FSIP2: variants seen among roughly 807,000 people sequenced by gnomAD.
The protein encoded by FSIP2 is fibrous sheath-interacting protein 2.
FSIP2 carries 367 observed loss-of-function variants against 510.5 expected under a neutral mutation model. The ratio of observed to expected loss-of-function variants is 0.72; its 90% CI spans 0.66 to 0.78. The LOEUF is 0.78. FSIP2 is among the 30% of genes least tolerant of loss of function. FSIP2 has a pLI of 0.00. For missense variants in FSIP2, 7,594 were observed against 7,901.7 expected (o/e 0.96, Z 1.48); for synonymous variants, 2,601 against 2,732.2 (o/e 0.95, Z 1.50).
chr2:185,747,632 CT>C (rs1692060024), intron 7 of FSIP2, among the ~76,000 whole-genome samples: 2 of 151,970 alleles, frequency 1.3e-5, no homozygotes, highest in South Asian at 4.1e-4. Flanking sequence ...CTATTTTTGG[CT>C]TTATTTTTAC....
chr2:185,794,396 A>T lies in FSIP2; in HGVS notation c.7260A>T (p.Ser2420=). ...CFNSKENSNF[S]QLALSNEILL... ...ATTCAAAAGAAAATTCTAACTTTTC[A>T]CAATTAGCTTTATCAAATGAAATAT... Residue 2420 remains serine (S), a synonymous_variant, in exon 16 of 23, where the codon TCA becomes TCT. Coordinates refer to ENST00000424728, the MANE Select transcript of FSIP2 (RefSeq NM_173651.4). 3.3e-6 allele frequency: 5 copies of T among 1,518,318 alleles called. No homozygotes were observed. Among genetic ancestry groups the T allele is most frequent in the Non-Finnish European group, 4.4e-6 (5 of 1,140,168 alleles). 94.1% of individuals were successfully genotyped at this position (1,518,318 alleles called of 1,614,324 possible).
chr2:185,737,762 G>A (rs977638957), upstream of FSIP2, among the ~76,000 whole-genome samples: 1 of 152,036 alleles, frequency 6.6e-6, no homozygotes, highest in Admixed American at 6.6e-5. Context: ...ATATCCATAT[G>A]GAAGCTGGCA....
chr2:185,743,349 T>A, intron 3 of FSIP2, 55 bp downstream of exon 3: 1 of 1,250,258 alleles, frequency 8.0e-7, no homozygotes, highest in Non-Finnish European at 1.1e-6. Context: ...AAACTTGATA[T>A]AAACTTGTTT....
chr2:185,772,824 CTCT>C (rs1419927636), intron 13 of FSIP2, among the ~76,000 whole-genome samples: 1 of 151,378 alleles, frequency 6.6e-6, no homozygotes, highest in Non-Finnish European at 1.5e-5. Flanking sequence ...CCCTCCTCTC[CTCT>C]TCTCTTTTTC....
In FSIP2 at chr2:185,791,402, C is replaced by G. The variant is rs1371458764; in HGVS notation, c.4266C>G (p.Asn1422Lys). The G allele has an allele frequency of 1.2e-5, 19 of 1,534,014 alleles. No individual in the cohort carries two copies. The highest frequency in any genetic ancestry group is 1.7e-4 in the Middle Eastern group (1 of 5,994). Reference sequence around the variant, plus strand: ...CTCACCACAGTGTCAATGGTGGAAACCATATTAAAGAGAATGCAAAATTGC... The same window carrying G: ...CTCACCACAGTGTCAATGGTGGAAAGCATATTAAAGAGAATGCAAAATTGC... Reference protein sequence around the residue: ...PCTHHSVNGGNHIKENAKLQV... With the variant: ...PCTHHSVNGGKHIKENAKLQV... The change falls in exon 16 of 23, where the codon AAC (asparagine) becomes AAG (lysine). Residue 1422 changes from asparagine to lysine, a missense_variant. Physicochemically the swap from Asn to Lys is moderately conservative, Grantham distance 94. Coordinates refer to ENST00000424728, the MANE Select transcript of FSIP2 (RefSeq NM_173651.4).
intron 16 of FSIP2, among the ~76,000 whole-genome samples, chr2:185,799,223 A>C (rs1693366627): frequency 6.6e-6 from 1 of 151,878 alleles, no homozygotes; most frequent in South Asian, 2.1e-4. Flanking sequence ...TGGAGTTGCC[A>C]CACTTTTATT....
Position 185,753,845 on chromosome 2 carries a change from G to T in FSIP2, c.991+3G>T. ...CAGAGGTCAAGATGGAACACATGGT[G>T]AATGTGAGAACATTAAAAGATGATG... On this transcript the variant is annotated splice_donor_region_variant and intron_variant, in intron 8 of 22. Transcript: ENST00000424728. 1 of 1,452,690 alleles carries T rather than the reference G, an allele frequency of 6.9e-7. No individual in the cohort carries two copies. The highest frequency in any genetic ancestry group is 1.4e-5 in the South Asian group (1 of 69,690). The allele number at this position is 1,452,690 out of a possible 1,614,324, so 90.0% of individuals were successfully genotyped here.
In FSIP2 at chr2:185,806,408, C is replaced by T. The variant is rs267599114; in HGVS notation, c.17102C>T (p.Ser5701Leu). 1.1e-5 allele frequency: 17 copies of T among 1,611,746 alleles called. No homozygotes were observed. Among genetic ancestry groups the T allele is most frequent in the South Asian group, 7.7e-5 (7 of 90,986 alleles). ...TCTTCTCCAGAACCAGCATATTATT[C>T]GAAACTCAGTTATGACCAAAGCCCC... ...LSSSPEPAYY[S>L]KLSYDQSPPG... The change falls in exon 17 of 23, where the codon TCG becomes TTG. Residue 5701 changes from serine (S) to leucine (L), a missense_variant. Ser to Leu is a moderately radical substitution (Grantham distance 145). Coordinates refer to ENST00000424728, the MANE Select transcript of FSIP2 (RefSeq NM_173651.4).
At chr2:185,826,888 T>C (rs972458060) in intron 20 of FSIP2, among the ~76,000 whole-genome samples, 18 of 151,908 alleles carry the variant, frequency 1.2e-4, no homozygotes, top group Middle Eastern at 3.4e-3. Flanking sequence ...TGAAATTCAA[T>C]GGAAAGATCA....
chr2:185,831,225 T>C (rs1471432220), intron 21 of FSIP2, among the ~76,000 whole-genome samples: 1 of 151,862 alleles, frequency 6.6e-6, no homozygotes, highest in Non-Finnish European at 1.5e-5. Context: ...AGCTTCAGAA[T>C]AGCTGAAGCC....
chr2:185,802,154 C>A lies in FSIP2; in HGVS notation c.12848C>A (p.Thr4283Lys), dbSNP rs2105641003. The change falls in exon 17 of 23, where the codon ACA becomes AAA. Residue 4283 changes from threonine to lysine, a missense_variant. Coordinates refer to ENST00000424728, the MANE Select transcript of FSIP2 (RefSeq NM_173651.4). ...TPLDPVSTIV[T>K]QVLSEVIESH... The stretch of plus-strand genomic sequence containing the variant: ...CTGGATCCAGTGTCTACTATTGTTA[C>A]ACAGGTTCTGAGTGAAGTGATAGAG... 1 of 1,533,212 alleles carries A rather than the reference C, an allele frequency of 6.5e-7. No individual in the cohort carries two copies. The highest frequency in any genetic ancestry group is 8.7e-7 in the Non-Finnish European group (1 of 1,145,004). 95.0% of individuals were successfully genotyped at this position (1,533,212 alleles called of 1,614,324 possible). A position where few individuals can be genotyped will look rare whatever the true frequency, so the allele number is the denominator to read the frequency against.
Position 185,813,714 on chromosome 2 carries a change from A to C in FSIP2, c.19997A>C (p.Asp6666Ala). The change falls in exon 18 of 23, where the codon GAT (aspartate) becomes GCT (alanine). Residue 6666 changes from aspartate (D) to alanine (A), a missense_variant. By Grantham distance (126) the Asp-to-Ala change is moderately radical (BLOSUM62 -2). Transcript: ENST00000424728. ...YIKEERDSDE[D>A]EVVLTQTFAK... ...AAAGAGGAACGAGATTCTGATGAAG[A>C]TGAAGTTGTTTTAACACAGACTTTT... 1 of 1,610,806 alleles carries C rather than the reference A, an allele frequency of 6.2e-7. No individual in the cohort carries two copies. The highest frequency in any genetic ancestry group is 1.1e-5 in the South Asian group (1 of 90,648).
chr2:185,797,406 G>GTTT lies in FSIP2; in HGVS notation c.10271_10272insTTT (p.Val3424_Lys3425insLeu). 1 of 1,532,586 alleles carries GTTT rather than the reference G, an allele frequency of 6.5e-7. No homozygotes were observed. Among genetic ancestry groups the GTTT allele is most frequent in the Non-Finnish European group, 8.7e-7 (1 of 1,145,630 alleles). The allele number at this position is 1,532,586 out of a possible 1,614,324, so 94.9% of individuals were successfully genotyped here. A position where few individuals can be genotyped will look rare whatever the true frequency, so the allele number is the denominator to read the frequency against. On this transcript the variant is annotated inframe_insertion, in exon 16 of 23. Transcript: ENST00000424728. ...AAAGGAGTACCCAAAGATAGAGACT[G>GTTT]TGAAGGAAGTTGAAGCCTTTACTTT...
chr2:185,801,953 C>T lies in FSIP2; in HGVS notation c.12647C>T (p.Ser4216Phe). ...AAAAACCTCCAAAAGATGGTGGATTCTGTATATTGTAATATTTTGCAAATG... is the reference window on the plus strand; with the variant it reads ...AAAAACCTCCAAAAGATGGTGGATTTTGTATATTGTAATATTTTGCAAATG... ...TGKNLQKMVD[S>F]VYCNILQMSD... The change falls in exon 17 of 23, where the codon TCT becomes TTT. Residue 4216 changes from serine (S) to phenylalanine (F), a missense_variant. By Grantham distance (155) the Ser-to-Phe change is radical. Coordinates refer to ENST00000424728, the MANE Select transcript of FSIP2 (RefSeq NM_173651.4). 2 of 1,522,464 alleles carry T rather than the reference C, an allele frequency of 1.3e-6. No individual in the cohort carries two copies. The highest frequency in any genetic ancestry group is 4.9e-5 in the East Asian group (2 of 40,772). 94.3% of individuals were successfully genotyped at this position (1,522,464 alleles called of 1,614,324 possible).
In FSIP2 at chr2:185,792,367, A is replaced by G; in HGVS notation, c.5231A>G (p.Gln1744Arg). 13 of 1,531,342 alleles carry G rather than the reference A, an allele frequency of 8.5e-6. No homozygotes were observed. Among genetic ancestry groups the G allele is most frequent in the Non-Finnish European group, 1.1e-5 (13 of 1,144,864 alleles). The allele number at this position is 1,531,342 out of a possible 1,614,324, so 94.9% of individuals were successfully genotyped here. The change falls in exon 16 of 23, where the codon CAA becomes CGA. Residue 1744 changes from glutamine (Q) to arginine (R), a missense_variant. Transcript: ENST00000424728. ...AAAATTATTGATGAGAGATCCCCAC[A>G]AAGAGAAGAAGTGAAAACACGTTCT... is the stretch of plus-strand genomic sequence containing the variant. ...AKKIIDERSP[Q>R]REEVKTRSLK...
Position 185,791,525 on chromosome 2 carries a change from A to G in FSIP2, c.4389A>G (p.Arg1463=). Residue 1463 remains arginine, a synonymous_variant, in exon 16 of 23, where the codon AGA becomes AGG. Transcript: ENST00000424728. Reference sequence around the variant, plus strand: ...AGCTATCTTGTAGTCAACAAAGCAGAGAGATGACCAATAAGAATCAGAAAA... The same window carrying G: ...AGCTATCTTGTAGTCAACAAAGCAGGGAGATGACCAATAAGAATCAGAAAA... The part of the protein sequence containing the change: ...HSQLSCSQQS[R]EMTNKNQKMA... 6.5e-7 allele frequency: 1 copy of G among 1,534,510 alleles called. No individual in the cohort carries two copies. The highest frequency in any genetic ancestry group is 8.7e-7 in the Non-Finnish European group (1 of 1,145,708).
chr2:185,813,533 CT>C lies in FSIP2; in HGVS notation c.19828-9del. On this transcript the variant is annotated splice_polypyrimidine_tract_variant and intron_variant, in intron 17 of 22. Coordinates refer to ENST00000424728, the MANE Select transcript of FSIP2 (RefSeq NM_173651.4). Reference sequence around the variant, plus strand: ...CATTTGATTTTAATATTTGCTATACCTTTAATTTCAGGCCGTTGCTAGAAAT... The same window carrying C: ...CATTTGATTTTAATATTTGCTATACCTTAATTTCAGGCCGTTGCTAGAAAT... 1 of 1,488,718 alleles carries C rather than the reference CT, an allele frequency of 6.7e-7. No individual in the cohort carries two copies. The highest frequency in any genetic ancestry group is 9.0e-7 in the Non-Finnish European group (1 of 1,113,616). The allele number at this position is 1,488,718 out of a possible 1,614,324, so 92.2% of individuals were successfully genotyped here.
chr2:185,791,794 C>G lies in FSIP2; in HGVS notation c.4658C>G (p.Thr1553Ser). Residue 1553 changes from threonine (T) to serine (S), a missense_variant, in exon 16 of 23, where the codon ACT becomes AGT. Coordinates refer to ENST00000424728, the MANE Select transcript of FSIP2 (RefSeq NM_173651.4). ...RRVQEDNKEE[T>S]KSKAKPVAPV... Reference sequence around the variant, plus strand: ...GTTCAGGAGGACAATAAAGAAGAGACTAAAAGCAAGGCAAAACCTGTTGCT... The same window carrying G: ...GTTCAGGAGGACAATAAAGAAGAGAGTAAAAGCAAGGCAAAACCTGTTGCT... 1 of 1,534,300 alleles carries G rather than the reference C, an allele frequency of 6.5e-7. No homozygotes were observed. Among genetic ancestry groups the G allele is most frequent in the Non-Finnish European group, 8.7e-7 (1 of 1,145,602 alleles).
rs750293575 is a variant in FSIP2 at position 185,804,830 on chromosome 2, C to A, written c.15524C>A (p.Ala5175Glu). The A allele has an allele frequency of 2.1e-5, 32 of 1,532,260 alleles. No individual in the cohort carries two copies. Among genetic ancestry groups the A allele is most frequent in the Non-Finnish European group, 2.6e-5 (30 of 1,144,666 alleles). The allele number at this position is 1,532,260 out of a possible 1,614,324, so 94.9% of individuals were successfully genotyped here. A position where few individuals can be genotyped will look rare whatever the true frequency, so the allele number is the denominator to read the frequency against. ...GAACATGAGATTCGACTTTCCATGG[C>A]AGAGGATAATGCAGAAAGTATGCAG... ...ISEHEIRLSM[A>E]EDNAESMQLE... is the part of the protein sequence containing the mutation. The change falls in exon 17 of 23, where the codon GCA becomes GAA. Residue 5175 changes from alanine (A) to glutamate (E), a missense_variant. Physicochemically the swap from Ala to Glu is moderately radical, Grantham distance 107. Coordinates refer to ENST00000424728, the MANE Select transcript of FSIP2 (RefSeq NM_173651.4).
Sources: allele counts gnomAD v4.1 joint callset (sites outside exome capture counted in the v4.1 genomes callset), GRCh38; gene constraint gnomAD v4.1.1; transcripts MANE v1.5; gene names NCBI Gene and HGNC (gene_info 2026-07-23, HGNC 2026-07-21).